Variants in ZFP2 observed in about 807,000 individuals in gnomAD.
ZFP2 encodes ZFP2 zinc finger protein, also known as zinc finger protein ZFP2.
In ZFP2, 33 loss-of-function variants were observed where a neutral mutation model predicts 36.1. The ratio of observed to expected loss-of-function variants is 0.92; its 90% CI spans 0.69 to 1.22. The LOEUF is 1.22. Among genes scored for constraint, ZFP2 ranks in the 50% most tolerant of loss-of-function variants. ZFP2 has a pLI of 0.00. For missense variants in ZFP2, 522 were observed against 551.4 expected, an observed-to-expected ratio of 0.95 and a Z score of 0.53; for synonymous variants, 170 against 178.0, an observed-to-expected ratio of 0.96 and a Z score of 0.36.
At chr5:178,925,218 G>T (rs1455999149) in intron 4 of ZFP2, among the ~76,000 whole-genome samples, 3 of 147,566 alleles carry the variant, frequency 2.0e-5, no homozygotes, top group South Asian at 4.3e-4. Context: ...ATATTGATAT[G>T]TGTAGCTTTA....
At chr5:178,900,076 G>A (rs1758024088) in intron 1 of ZFP2, among the ~76,000 whole-genome samples, 2 of 152,194 alleles carry the variant, frequency 1.3e-5, no homozygotes, top group Admixed American at 1.3e-4. Flanking sequence ...GAAAGGGGAA[G>A]CATTAAGAAG....
chr5:178,920,373 T>C (rs1758534191), intron 4 of ZFP2, among the ~76,000 whole-genome samples: 2 of 152,206 alleles, frequency 1.3e-5, no homozygotes, highest in Non-Finnish European at 2.9e-5. Flanking sequence ...GTGTGGTGGC[T>C]CACACCTGTA....
chr5:178,908,021 CT>C, intron 1 of ZFP2, among the ~76,000 whole-genome samples: 1 of 152,306 alleles, frequency 6.6e-6, no homozygotes, highest in African/African-American at 2.4e-5. Context: ...GATAAATTAG[CT>C]TAAAAGGGGG....
At chr5:178,929,729 A>G (rs976252495) in intron 4 of ZFP2, among the ~76,000 whole-genome samples, 6 of 152,070 alleles carry the variant, frequency 3.9e-5, no homozygotes, top group African/African-American at 9.7e-5. Context: ...AAACTCTTCC[A>G]TCCTTTGCCT....
intron 4 of ZFP2, among the ~76,000 whole-genome samples, chr5:178,926,648 C>T (rs933650698): frequency 2.0e-5 from 3 of 152,138 alleles, no homozygotes; most frequent in Non-Finnish European, 4.4e-5. Context: ...TCCTGAGTAG[C>T]TGGGACTACA....
Position 178,932,267 on chromosome 5 carries a change from A to G in ZFP2, c.954A>G (p.Arg318=), listed in dbSNP as rs886892651. The change falls in exon 5 of 5, where the codon AGA becomes AGG. Residue 318 remains arginine (R), a synonymous_variant. Transcript: ENST00000361362. ...GTACATATCTTATAGAACATCAGAG[A>G]CTTCATTCTGGAGTAAAACCTTTTG... The part of the protein sequence containing the change: ...SQSTYLIEHQ[R]LHSGVKPFEC... The G allele has an allele frequency of 1.3e-5, 21 of 1,614,098 alleles. No homozygotes were observed. Among genetic ancestry groups the G allele is most frequent in the Non-Finnish European group, 1.8e-5 (21 of 1,180,036 alleles).
intron 3 of ZFP2, 138 bp downstream of exon 3, chr5:178,913,209 T>A (rs1758333645): frequency 3.5e-6 from 1 of 289,638 alleles, no homozygotes; most frequent in Non-Finnish European, 5.2e-6. Context: ...CTGATGGGCC[T>A]CTTTTCTCTA....
Position 178,932,247 on chromosome 5 carries a change from T to C in ZFP2, c.934T>C (p.Tyr312His). 1 of 1,614,172 alleles carries C rather than the reference T, an allele frequency of 6.2e-7. No individual in the cohort carries two copies. Residue 312 changes from tyrosine to histidine, a missense_variant, in exon 5 of 5, where the codon TAT becomes CAT. Tyr to His is a moderately conservative substitution (Grantham distance 83, BLOSUM62 2). Coordinates refer to ENST00000361362, the MANE Select transcript of ZFP2 (RefSeq NM_030613.4). ...KCGKSFSQST[Y>H]LIEHQRLHSG... ...CGGGAAATCCTTTAGCCAAAGTACA[T>C]ATCTTATAGAACATCAGAGACTTCA...
intron 1 of ZFP2, among the ~76,000 whole-genome samples, chr5:178,900,955 T>A (rs1758043839): frequency 6.6e-6 from 1 of 152,246 alleles, no homozygotes. Context: ...GCCTGGCTTT[T>A]TTTGCTCAAC....
chr5:178,914,264 G>A (rs1758371636), intron 3 of ZFP2, among the ~76,000 whole-genome samples: 1 of 152,050 alleles, frequency 6.6e-6, no homozygotes, highest in African/African-American at 2.4e-5. Context: ...ATCATTAAAG[G>A]AACACAATTA....
intron 1 of ZFP2, among the ~76,000 whole-genome samples, chr5:178,904,723 GAC>G (rs1296906953): frequency 3.8e-4 from 40 of 104,152 alleles, no homozygotes; most frequent in African/African-American, 1.5e-3. Flanking sequence ...TTTTTTGAGA[GAC>G]AGAGTCTTGC....
intron 1 of ZFP2, among the ~76,000 whole-genome samples, chr5:178,901,719 A>G (rs868067361): frequency 5.3e-5 from 8 of 152,172 alleles, no homozygotes; most frequent in African/African-American, 1.7e-4. Flanking sequence ...GACACAGTTC[A>G]TAACACTAGG....
At position 178,932,446 on chromosome 5, in the gene ZFP2, G is replaced by A. The variant is rs769029858; in HGVS notation, c.1133G>A (p.Gly378Glu). 5.6e-6 allele frequency: 9 copies of A among 1,614,132 alleles called. No homozygotes were observed. The East Asian group carries it at 2.0e-4, about 36-fold the overall frequency. The part of the protein sequence containing the change: ...SLTVHQVIHT[G>E]EKPYECNECG... Reference sequence around the variant, plus strand: ...ACCGTGCATCAGGTCATTCACACTGGAGAGAAACCTTATGAGTGCAATGAA... The same window carrying A: ...ACCGTGCATCAGGTCATTCACACTGAAGAGAAACCTTATGAGTGCAATGAA... Residue 378 changes from glycine to glutamate, a missense_variant, in exon 5 of 5, where the codon GGA (glycine) becomes GAA (glutamate). By Grantham distance (98) the Gly-to-Glu change is moderately conservative. Transcript: ENST00000361362.
chr5:178,910,542 G>A, intron 1 of ZFP2: 1 of 535,316 alleles, frequency 1.9e-6, no homozygotes, highest in Non-Finnish European at 3.5e-6. Flanking sequence ...CTGGGGTCAT[G>A]GTCTGCATTC....
intron 4 of ZFP2, among the ~76,000 whole-genome samples, chr5:178,927,223 TC>T (rs1377212725): frequency 5.9e-5 from 9 of 152,200 alleles, no homozygotes; most frequent in Admixed American, 2.6e-4. Context: ...TACCACCAGT[TC>T]TCATCTTTAA....
rs894479889 is a variant in ZFP2, at chr5:178,932,505, A to G, written c.1192A>G (p.Ile398Val). 4 of 1,614,014 alleles carry G rather than the reference A, an allele frequency of 2.5e-6. No individual in the cohort carries two copies. The African/African-American group carries it at 5.3e-5, about 22-fold the overall frequency. The change falls in exon 5 of 5, where the codon ATT (isoleucine) becomes GTT (valine). Residue 398 changes from isoleucine to valine, a missense_variant. Transcript: ENST00000361362. ...GGCATTCAGCCAGAGTGCTTACCTT[A>G]TTGAACATCAAAGAATTCATACTGG... ...GKAFSQSAYL[I>V]EHQRIHTGEK... is the part of the protein sequence containing the mutation.
At chr5:178,901,799 T>TTG (rs1257668701) in intron 1 of ZFP2, among the ~76,000 whole-genome samples, 2 of 151,234 alleles carry the variant, frequency 1.3e-5, no homozygotes, top group Non-Finnish European at 3.0e-5. Context: ...TTTGGTTTGT[T>TTG]TTTTTTTTAA....
chr5:178,901,571 T>C (rs1758057790), intron 1 of ZFP2, among the ~76,000 whole-genome samples: 1 of 152,208 alleles, frequency 6.6e-6, no homozygotes. Context: ...TGTCATCTGA[T>C]GTTATCCTTA....
chr5:178,920,203 T>G (rs1282155328), intron 4 of ZFP2, among the ~76,000 whole-genome samples: 1 of 152,358 alleles, frequency 6.6e-6, no homozygotes, highest in East Asian at 1.9e-4. Flanking sequence ...TTTCTCAATC[T>G]TTTCTCTCTG....
Sources: gnomAD v4.1 joint callset for allele counts (sites outside exome capture counted in the v4.1 genomes callset) on GRCh38, gnomAD v4.1.1 for gene constraint, MANE v1.5 for transcripts, NCBI Gene and HGNC (gene_info 2026-07-23, HGNC 2026-07-21) for gene names.